CASKIN1: variants seen among roughly 807,000 people sequenced by gnomAD.
CASKIN1 encodes the protein CASK interacting protein 1, also known as caskin-1.
A neutral mutation model predicts 117.5 loss-of-function variants in CASKIN1; 42 were observed. That is an observed-to-expected ratio of 0.36 (90% CI 0.28 to 0.46). The LOEUF (loss-of-function observed/expected upper bound fraction) is 0.46. CASKIN1 is among the 20% of genes least tolerant of loss of function. The pLI, the probability that CASKIN1 is intolerant of heterozygous loss-of-function variation, is 1.00. For missense variants in CASKIN1, 2,083 were observed against 2,077.3 expected, an observed-to-expected ratio of 1.00 and a Z score of -0.05; for synonymous variants, 1,148 against 961.7, an observed-to-expected ratio of 1.19 and a Z score of -3.59.
In CASKIN1 at chr16:2,186,764, T is replaced by C. The variant is rs1329223920; in HGVS notation, c.991A>G (p.Asn331Asp). The C allele has an allele frequency of 6.2e-7, 1 of 1,612,988 alleles. No homozygotes were observed. Among genetic ancestry groups the C allele is most frequent in the Admixed American group, 1.7e-5 (1 of 60,022 alleles). ...GACGGGAAGTAGCCCACCCGGTCATTGCCCGTCCGGTTGTCATGGATGCAG... is the reference window on the plus strand; with the variant it reads ...GACGGGAAGTAGCCCACCCGGTCATCGCCCGTCCGGTTGTCATGGATGCAG... The part of the protein sequence containing the change: ...KGCIHDNRTG[N>D]DRVGYFPSSL... Residue 331 changes from asparagine (N) to aspartate (D), a missense_variant, in exon 10 of 20, where the codon AAT becomes GAT. Physicochemically the swap from Asn to Asp is conservative, Grantham distance 23 (BLOSUM62 1). Coordinates refer to ENST00000343516, the MANE Select transcript of CASKIN1 (RefSeq NM_020764.4).
rs569790600 is a variant in CASKIN1 at position 2,189,514 on chromosome 16, T to C, written c.295A>G (p.Lys99Glu). The C allele has an allele frequency of 6.2e-7, 1 of 1,612,012 alleles. No homozygotes were observed. The highest frequency in any genetic ancestry group is 8.5e-7 in the Non-Finnish European group (1 of 1,179,764). The change falls in exon 4 of 20, where the codon AAG becomes GAG. Residue 99 changes from lysine to glutamate, a missense_variant. Transcript: ENST00000343516. The stretch of plus-strand genomic sequence containing the variant: ...GCCGAGCCCGCCTTCAGCACCAGCT[T>C]CATGGGCTCCTTCCGGCCCTGCCAG... ...AAWQGRKEPMKLVLKAGSAVN... is the reference protein window; with the variant it reads ...AAWQGRKEPMELVLKAGSAVN...
intron 1 of CASKIN1, among the ~76,000 whole-genome samples, chr16:2,194,065 C>T (rs1340284643): frequency 1.3e-5 from 2 of 152,204 alleles, no homozygotes; most frequent in Non-Finnish European, 2.9e-5. Flanking sequence ...CCCCGACCAG[C>T]CCTCTCACTG....
At position 2,179,419 on chromosome 16, in the gene CASKIN1, G is replaced by A; in HGVS notation, c.3776-94C>T. The A allele has an allele frequency of 3.7e-6, 5 of 1,336,520 alleles. No homozygotes were observed. Among genetic ancestry groups the A allele is most frequent in the Non-Finnish European group, 4.8e-6 (5 of 1,050,344 alleles). The allele number at this position is 1,336,520 out of a possible 1,614,324, so 82.8% of individuals were successfully genotyped here. A position where few individuals can be genotyped will look rare whatever the true frequency, so the allele number is the denominator to read the frequency against. Reference sequence around the variant, plus strand: ...CCGCGGCTTCCTCCCCAGCGGACCGGGAAAGACCCTGCTCACCTTGCCCCC... The same window carrying A: ...CCGCGGCTTCCTCCCCAGCGGACCGAGAAAGACCCTGCTCACCTTGCCCCC... On this transcript the variant is annotated intron_variant, in intron 18 of 19. Coordinates refer to ENST00000343516, the MANE Select transcript of CASKIN1 (RefSeq NM_020764.4). This position sits in a 1 kb window ranked among gnomAD's most constrained non-coding sequence, Gnocchi z 5.8.
rs143033392 is a variant in CASKIN1 at position 2,188,842 on chromosome 16, C to T, written c.617+185G>A. 732 of 821,152 alleles carry T rather than the reference C, an allele frequency of 8.9e-4. 9 individuals carry two copies. The African/African-American group carries it at 0.01, about 12-fold the overall frequency. The allele number at this position is 821,152 out of a possible 1,614,324, so 50.9% of individuals were successfully genotyped here. A position where few individuals can be genotyped will look rare whatever the true frequency, so the allele number is the denominator to read the frequency against. On this transcript the variant is annotated intron_variant, in intron 6 of 19. Coordinates refer to ENST00000343516, the MANE Select transcript of CASKIN1 (RefSeq NM_020764.4). ...GGGACAGAGACGTCGCAGAAGCCCC[C>T]TTCCCAGCCCCTGCAGCTCATCCTG...
At position 2,180,586 on chromosome 16, in the gene CASKIN1, TGTC is replaced by T; in HGVS notation, c.2779_2781del (p.Asp927del). The T allele has an allele frequency of 6.4e-7, 1 of 1,572,230 alleles. No individual in the cohort carries two copies. Among genetic ancestry groups the T allele is most frequent in the South Asian group, 1.1e-5 (1 of 87,370 alleles). On this transcript the variant is annotated inframe_deletion, in exon 18 of 20. Coordinates refer to ENST00000343516, the MANE Select transcript of CASKIN1 (RefSeq NM_020764.4). Reference sequence around the variant, plus strand: ...AAGGACTGGCTGCGGTTGACGTTCTTGTCGGCACCTGCGGGCGCCCTCACTGAG... The same window carrying T: ...AAGGACTGGCTGCGGTTGACGTTCTTGGCACCTGCGGGCGCCCTCACTGAG...
Position 2,180,987 on chromosome 16 carries a change from G to C in CASKIN1, c.2381C>G (p.Pro794Arg). 1 of 1,474,626 alleles carries C rather than the reference G, an allele frequency of 6.8e-7. No homozygotes were observed. The highest frequency in any genetic ancestry group is 8.9e-7 in the Non-Finnish European group (1 of 1,117,702). 91.3% of individuals were successfully genotyped at this position (1,474,626 alleles called of 1,614,324 possible). Residue 794 changes from proline (P) to arginine (R), a missense_variant, in exon 18 of 20, where the codon CCT (proline) becomes CGT (arginine). Around this residue, in one of 3 missense-constraint regions of CASKIN1, gnomAD observed 1,818 missense variants for 1,688.9 expected, o/e 1.08. Transcript: ENST00000343516. ...RPGSPQALGG[P>R]HGPAPATAKV... ...GGCCGTAGCTGGGGCTGGACCATGAGGTCCCCCAAGGGCCTGGGGAGAGCC... is the reference window on the plus strand; with the variant it reads ...GGCCGTAGCTGGGGCTGGACCATGACGTCCCCCAAGGGCCTGGGGAGAGCC...
chr16:2,188,951 C>G, intron 6 of CASKIN1, 76 bp downstream of exon 6: 1 of 1,539,274 alleles, frequency 6.5e-7, no homozygotes, highest in Non-Finnish European at 8.7e-7. Flanking sequence ...AAGCCAGAAG[C>G]TGGTGCCCTG....
chr16:2,196,345 T>TC lies in CASKIN1; in HGVS notation c.87dup (p.Lys30GlufsTer84). On this transcript the variant is annotated frameshift_variant, in exon 1 of 20. Coordinates refer to ENST00000343516, the MANE Select transcript of CASKIN1 (RefSeq NM_020764.4). LOFTEE classifies it high-confidence loss of function. The surrounding 1 kb of genome is among the most constrained non-coding windows in gnomAD (Gnocchi z 5.7). ...CCGCGCCCCCGGCACTCACTGGCCT[T>TC]CCCGGGCCGCGGCCTCTGCAGCAGC... 1 of 1,286,982 alleles carries TC rather than the reference T, an allele frequency of 7.8e-7. No homozygotes were observed. The highest frequency in any genetic ancestry group is 9.9e-7 in the Non-Finnish European group (1 of 1,005,112). 79.7% of individuals were successfully genotyped at this position (1,286,982 alleles called of 1,614,324 possible). A position where few individuals can be genotyped will look rare whatever the true frequency, so the allele number is the denominator to read the frequency against.
chr16:2,183,317 G>A (rs2093173746), intron 16 of CASKIN1, among the ~76,000 whole-genome samples: 1 of 152,234 alleles, frequency 6.6e-6, no homozygotes, highest in Non-Finnish European at 1.5e-5. Flanking sequence ...GCATGTGAGT[G>A]GCAGTGCTTG....
At position 2,177,300 on chromosome 16, in the gene CASKIN1, C is replaced by A. The variant is rs959696883; in HGVS notation, c.*1250G>T. The A allele has an allele frequency of 1.7e-5, 4 of 234,906 alleles. No homozygotes were observed. Among genetic ancestry groups the A allele is most frequent in the Non-Finnish European group, 3.4e-5 (4 of 119,054 alleles). 14.6% of individuals were successfully genotyped at this position (234,906 alleles called of 1,614,324 possible). ...AGAGGCCTGGGGGGACAGCTGGGCA[C>A]GTCCACTCGCAGGGAAACACGGGGT... is the stretch of plus-strand genomic sequence containing the variant. On this transcript the variant is annotated 3_prime_UTR_variant, in exon 20 of 20. Transcript: ENST00000343516.
In CASKIN1 at chr16:2,196,118, G is replaced by C. The variant is rs2093215266; in HGVS notation, c.94+221C>G. 6.6e-6 allele frequency among the ~76,000 whole-genome samples: 1 copy of C among 151,942 alleles called. No homozygotes were observed. Among genetic ancestry groups the C allele is most frequent in the Non-Finnish European group, 1.5e-5 (1 of 67,920 alleles). On this transcript the variant is annotated intron_variant, in intron 1 of 19. Transcript: ENST00000343516. The surrounding 1 kb of genome is among the most constrained non-coding windows in gnomAD (Gnocchi z 5.7). ...GGGAGGCGGGTGCCGCCAGGTGCCC[G>C]CTGCGGGGCTCACGGTGGCGGCCGG...
Position 2,179,037 on chromosome 16 carries a change from G to A in CASKIN1, c.4064C>T (p.Ala1355Val), listed in dbSNP as rs1567256968. Residue 1355 changes from alanine (A) to valine (V), a missense_variant, in exon 19 of 20, where the codon GCG becomes GTG. Ala to Val is a moderately conservative substitution (Grantham distance 64, BLOSUM62 0). This residue lies in a region of CASKIN1 where 1,818 missense variants were observed against 1,688.9 expected (regional missense o/e 1.08). Coordinates refer to ENST00000343516, the MANE Select transcript of CASKIN1 (RefSeq NM_020764.4). The surrounding 1 kb of genome is among the most constrained non-coding windows in gnomAD (Gnocchi z 5.8). ...GGCGCCTTCGGGCGGGGCGGGGGGC[G>A]CGGCGGCGGCGGCGGCGGCGGCGGC... ...AAAAAAAAAA[A>V]PPAPPEGASP... 6.0e-6 allele frequency: 5 copies of A among 836,140 alleles called. No homozygotes were observed. Among genetic ancestry groups the A allele is most frequent in the African/African-American group, 2.4e-5 (1 of 41,264 alleles). 51.8% of individuals were successfully genotyped at this position (836,140 alleles called of 1,614,324 possible).
At chr16:2,190,479 G>T in intron 1 of CASKIN1, 121 bp from the exon 2 acceptor site, 1 of 872,498 alleles carries the variant, frequency 1.1e-6, no homozygotes, top group Non-Finnish European at 1.8e-6. Context: ...CTCTCAGTCT[G>T]CAGACACTCA....
At chr16:2,178,727 C>G (rs1229275346) in intron 19 of CASKIN1, 81 bp from the exon 20 acceptor site, 22 of 1,380,240 alleles carry the variant, frequency 1.6e-5, no homozygotes, top group Non-Finnish European at 1.9e-5. Context: ...GCCCACGTCC[C>G]GCATCTCCGT....
In CASKIN1 at chr16:2,189,165, GA is replaced by G; in HGVS notation, c.487-9del. 2 of 1,612,610 alleles carry G rather than the reference GA, an allele frequency of 1.2e-6. No individual in the cohort carries two copies. Among genetic ancestry groups the G allele is most frequent in the Non-Finnish European group, 1.7e-6 (2 of 1,179,504 alleles). ...GAGGAGCAGCTGGACCACCTTGAAGGAGGGGTCAGGGTAGGGGGGTCCTGAT... is the reference window on the plus strand; with the variant it reads ...GAGGAGCAGCTGGACCACCTTGAAGGGGGGTCAGGGTAGGGGGGTCCTGAT... On this transcript the variant is annotated splice_polypyrimidine_tract_variant and intron_variant, in intron 5 of 19. Transcript: ENST00000343516.
rs954591235 is a variant in CASKIN1, at chr16:2,177,725, C to T, written c.*825G>A. 8 of 243,180 alleles carry T rather than the reference C, an allele frequency of 3.3e-5. No homozygotes were observed. The highest frequency in any genetic ancestry group is 5.7e-5 in the Non-Finnish European group (7 of 123,590). 15.1% of individuals were successfully genotyped at this position (243,180 alleles called of 1,614,324 possible). A position where few individuals can be genotyped will look rare whatever the true frequency, so the allele number is the denominator to read the frequency against. ...CGTGGCTGCCACGCTGACACACCCACATTCACCAAACCCACCCGCGCCCTG... is the reference window on the plus strand; with the variant it reads ...CGTGGCTGCCACGCTGACACACCCATATTCACCAAACCCACCCGCGCCCTG... On this transcript the variant is annotated 3_prime_UTR_variant, in exon 20 of 20. Coordinates refer to ENST00000343516, the MANE Select transcript of CASKIN1 (RefSeq NM_020764.4).
chr16:2,187,790 T>A (rs757911275), intron 6 of CASKIN1, among the ~76,000 whole-genome samples: 3 of 151,294 alleles, frequency 2.0e-5, no homozygotes, highest in Non-Finnish European at 4.4e-5. Context: ...CCCAGCTAAT[T>A]TTGTATTTTT....
In CASKIN1 at chr16:2,179,383, G is replaced by GC; in HGVS notation, c.3776-59dup. ...CACGAGTTCCGCCGCCGCGCCCCCTGCCCCAGCCTCCCGCGGCTTCCTCCC... is the reference window on the plus strand; with the variant it reads ...CACGAGTTCCGCCGCCGCGCCCCCTGCCCCCAGCCTCCCGCGGCTTCCTCCC... On this transcript the variant is annotated intron_variant, in intron 18 of 19. Coordinates refer to ENST00000343516, the MANE Select transcript of CASKIN1 (RefSeq NM_020764.4). This position sits in a 1 kb window ranked among gnomAD's most constrained non-coding sequence, Gnocchi z 5.8. 1 of 1,336,960 alleles carries GC rather than the reference G, an allele frequency of 7.5e-7. No individual in the cohort carries two copies. The highest frequency in any genetic ancestry group is 2.8e-4 in the Middle Eastern group (1 of 3,578). The allele number at this position is 1,336,960 out of a possible 1,614,324, so 82.8% of individuals were successfully genotyped here.
In CASKIN1 at chr16:2,177,995, G is replaced by A; in HGVS notation, c.*555C>T. 2.5e-6 allele frequency: 1 copy of A among 394,386 alleles called. No individual in the cohort carries two copies. Among genetic ancestry groups the A allele is most frequent in the South Asian group, 2.4e-5 (1 of 42,378 alleles). The allele number at this position is 394,386 out of a possible 1,614,324, so 24.4% of individuals were successfully genotyped here. A position where few individuals can be genotyped will look rare whatever the true frequency, so the allele number is the denominator to read the frequency against. ...CGGAGCTAGACTTCGTGTCCTTTCA[G>A]TTGGTAAATGGTTTTCTATAGAATC... On this transcript the variant is annotated 3_prime_UTR_variant, in exon 20 of 20. Coordinates refer to ENST00000343516, the MANE Select transcript of CASKIN1 (RefSeq NM_020764.4).
Sources: allele counts gnomAD v4.1 joint callset (sites outside exome capture counted in the v4.1 genomes callset), GRCh38; gene constraint gnomAD v4.1.1; regional missense constraint gnomAD v4.1.1; non-coding constraint Gnocchi (gnomAD v3.1); transcripts MANE v1.5; gene names NCBI Gene and HGNC (gene_info 2026-07-23, HGNC 2026-07-21).